The following SCARB1 variants were observed in gnomAD, a reference collection of about 807,000 sequenced individuals.
SCARB1 encodes scavenger receptor class B member 1.
In SCARB1, 30 loss-of-function variants were observed where a neutral mutation model predicts 57.2. The observed-to-expected ratio is 0.52, with a 90% CI of 0.39 to 0.71. SCARB1 has a LOEUF of 0.71. SCARB1 is among the 30% of genes least tolerant of loss of function. SCARB1 has a pLI of 0.00. For synonymous variants in SCARB1, 249 were observed against 268.3 expected, an observed-to-expected ratio of 0.93 and a Z score of 0.70; for missense variants, 543 against 671.2, an observed-to-expected ratio of 0.81 and a Z score of 2.11.
intron 10 of SCARB1, 137 bp downstream of exon 10, chr12:124,787,269 C>G (rs1428949185): frequency 9.5e-6 from 7 of 739,382 alleles, no homozygotes; most frequent in South Asian, 1.6e-5. Flanking sequence ...GTTTCTGATA[C>G]GCTGGTCCAT....
chr12:124,837,717 C>G (rs969625526), intron 1 of SCARB1, among the ~76,000 whole-genome samples: 6 of 147,730 alleles, frequency 4.1e-5, no homozygotes, highest in African/African-American at 1.5e-4. Flanking sequence ...TGAGGACCCC[C>G]CCTACACACC....
intron 1 of SCARB1, among the ~76,000 whole-genome samples, chr12:124,840,815 C>T (rs1261275070): frequency 6.6e-6 from 1 of 152,166 alleles, no homozygotes; most frequent in South Asian, 2.1e-4. Flanking sequence ...TTCTCTGCCT[C>T]CCCGCTTCCA....
At chr12:124,845,587 C>G (rs1952111053) in intron 1 of SCARB1, among the ~76,000 whole-genome samples, 1 of 149,622 alleles carries the variant, frequency 6.7e-6, no homozygotes. Flanking sequence ...CGCCTGTAGT[C>G]CCAGCTACTG....
intron 1 of SCARB1, among the ~76,000 whole-genome samples, chr12:124,827,454 T>C (rs76272187): frequency 6.6e-6 from 1 of 152,162 alleles, no homozygotes; most frequent in Non-Finnish European, 1.5e-5. Flanking sequence ...CAGGGCCAGG[T>C]GGTGGCGCCA....
chr12:124,834,401 A>G (rs1416332653), intron 1 of SCARB1, among the ~76,000 whole-genome samples: 1 of 152,170 alleles, frequency 6.6e-6, no homozygotes, highest in Non-Finnish European at 1.5e-5. Flanking sequence ...CCAACCAACA[A>G]GGGGCTGAGG....
rs888777328 is a variant in SCARB1, at chr12:124,826,954, G to A, written c.127-9247C>T. ...ATACCTGCAAACAATCTCAGGAGAG[G>A]GCTGGGGGCTGGGGATGTGGGGAAA... On this transcript the variant is annotated intron_variant, in intron 1 of 12. Transcript: ENST00000261693. Among the ~76,000 whole-genome samples the A allele has an allele frequency of 5.0e-4, 76 of 152,268 alleles. 1 individual carries two copies. The highest frequency in any genetic ancestry group is 1.8e-3 in the African/African-American group (73 of 41,544).
chr12:124,803,909 ACT>A (rs911521164), intron 7 of SCARB1, among the ~76,000 whole-genome samples: 6 of 151,574 alleles, frequency 4.0e-5, no homozygotes, highest in African/African-American at 1.5e-4. Flanking sequence ...ATAAGAAAAA[ACT>A]CTATTTAAAT....
Position 124,815,952 on chromosome 12 carries a change from T to A in SCARB1, c.285-838A>T, listed in dbSNP as rs540580191. On this transcript the variant is annotated intron_variant, in intron 2 of 12. Coordinates refer to ENST00000261693, the MANE Select transcript of SCARB1 (RefSeq NM_005505.5). Reference sequence around the variant, plus strand: ...TTAAAATCAGGCTCCTAACGTGACCTCTGAGGCCCTCAGCAAGGCTCAGGC... The same window carrying A: ...TTAAAATCAGGCTCCTAACGTGACCACTGAGGCCCTCAGCAAGGCTCAGGC... Among the ~76,000 whole-genome samples the A allele has an allele frequency of 4.6e-5, 7 of 152,236 alleles. No homozygotes were observed. The East Asian group carries it at 1.4e-3, about 29-fold the overall frequency.
intron 1 of SCARB1, among the ~76,000 whole-genome samples, chr12:124,852,040 A>C (rs760923588): frequency 6.6e-6 from 1 of 152,132 alleles, no homozygotes; most frequent in Non-Finnish European, 1.5e-5. Flanking sequence ...TGGGACCAAG[A>C]TGCCAACAGG....
At position 124,804,032 on chromosome 12, in the gene SCARB1, C is replaced by T. The variant is rs191144797; in HGVS notation, c.1009+3729G>A. Reference sequence around the variant, plus strand: ...TGGAGGGGATGGGCATGTCGTTTCTCCCCCTTCTCCTGGTACCTACACCCC... The same window carrying T: ...TGGAGGGGATGGGCATGTCGTTTCTTCCCCTTCTCCTGGTACCTACACCCC... On this transcript the variant is annotated intron_variant, in intron 7 of 12. Transcript: ENST00000261693. Among the ~76,000 whole-genome samples, 691 of 152,084 alleles carry T rather than the reference C, an allele frequency of 4.5e-3. 4 individuals are homozygous for T. Among genetic ancestry groups the T allele is most frequent in the Admixed American group, 0.013 (194 of 15,292 alleles).
At chr12:124,836,985 G>A (rs10846754) in intron 1 of SCARB1, among the ~76,000 whole-genome samples, 42,581 of 151,942 alleles carry the variant, frequency 0.28, 6,475 homozygotes, top group East Asian at 0.42. Flanking sequence ...CAGCACAGGC[G>A]TGGCAAGTAA....
chr12:124,804,723 A>C (rs948839299), intron 7 of SCARB1, among the ~76,000 whole-genome samples: 3 of 152,224 alleles, frequency 2.0e-5, no homozygotes, highest in Non-Finnish European at 4.4e-5. Context: ...AATAGGGGAA[A>C]GCATCCAATC....
intron 1 of SCARB1, among the ~76,000 whole-genome samples, chr12:124,840,472 G>C (rs1450698039): frequency 6.6e-6 from 1 of 152,064 alleles, no homozygotes; most frequent in Non-Finnish European, 1.5e-5. Flanking sequence ...CACCGCGCCT[G>C]GCTGCCTGCA....
intron 1 of SCARB1, among the ~76,000 whole-genome samples, chr12:124,843,221 G>A (rs562547620): frequency 6.6e-6 from 1 of 151,146 alleles, no homozygotes; most frequent in Admixed American, 6.6e-5. Flanking sequence ...GGAGAGGCAC[G>A]TGACCATCCG....
chr12:124,816,000 C>T (rs1329976144), intron 2 of SCARB1, among the ~76,000 whole-genome samples: 1 of 151,916 alleles, frequency 6.6e-6, no homozygotes, highest in African/African-American at 2.4e-5. Flanking sequence ...CTGTCTCCCT[C>T]CCTCGTAACC....
intron 1 of SCARB1, among the ~76,000 whole-genome samples, chr12:124,824,188 A>AG (rs1384733597): frequency 1.3e-5 from 2 of 150,378 alleles, no homozygotes; most frequent in Non-Finnish European, 3.0e-5. Context: ...AAAAAAAAAA[A>AG]AAAGAGAAAG....
At chr12:124,839,324 G>C (rs1405864855) in intron 1 of SCARB1, 1 of 446,718 alleles carries the variant, frequency 2.2e-6, no homozygotes, top group Non-Finnish European at 4.5e-6. Flanking sequence ...GTCCTGTTGT[G>C]GCTTATTTCA....
intron 12 of SCARB1, among the ~76,000 whole-genome samples, chr12:124,780,983 G>A (rs1372466585): frequency 2.0e-5 from 3 of 152,188 alleles, no homozygotes; most frequent in Non-Finnish European, 4.4e-5. Flanking sequence ...ACGGTGTCCT[G>A]GAGGAATCCT....
intron 1 of SCARB1, among the ~76,000 whole-genome samples, chr12:124,833,872 A>AC (rs1173068306): frequency 6.6e-6 from 1 of 152,164 alleles, no homozygotes; most frequent in Non-Finnish European, 1.5e-5. Context: ...CCTAAGAGAA[A>AC]CCCGGGCCGG....
Sources: gnomAD v4.1 joint callset for allele counts (sites outside exome capture counted in the v4.1 genomes callset) on GRCh38, gnomAD v4.1.1 for gene constraint, MANE v1.5 for transcripts, NCBI Gene and HGNC (gene_info 2026-07-23, HGNC 2026-07-21) for gene names.